NEK1: variants seen among roughly 807,000 people sequenced by gnomAD.
The protein encoded by NEK1 is serine/threonine-protein kinase Nek1.
In NEK1, 137 loss-of-function variants were observed where a neutral mutation model predicts 182.1. The observed-to-expected ratio is 0.75, with a 90% CI of 0.65 to 0.87. The LOEUF is 0.87. Ranked by LOEUF, NEK1 falls within the 40% of genes least tolerant of loss-of-function variation. The pLI is 0.00. For synonymous variants in NEK1, 513 were observed against 492.2 expected, an observed-to-expected ratio of 1.04 and a Z score of -0.56; for missense variants, 1,391 against 1,494.4, an observed-to-expected ratio of 0.93 and a Z score of 1.14.
chr4:169,552,571 CA>C (rs1761588847), intron 18 of NEK1, among the ~76,000 whole-genome samples: 1 of 152,090 alleles, frequency 6.6e-6, no homozygotes, highest in Non-Finnish European at 1.5e-5. Context: ...TTTTCAACAT[CA>C]TATTGGAAGT....
intron 12 of NEK1, among the ~76,000 whole-genome samples, chr4:169,564,997 C>G (rs887657715): frequency 2.0e-5 from 3 of 152,148 alleles, no homozygotes; most frequent in African/African-American, 7.2e-5. Context: ...GACAAAATAA[C>G]CCAAGCAGTG....
chr4:169,394,605 A>G, intron 35 of NEK1, 82 bp from the exon 36 acceptor site: 1 of 777,172 alleles, frequency 1.3e-6, no homozygotes, highest in South Asian at 1.8e-5. Context: ...GTTCATGCTA[A>G]AGGAGAAGAG....
intron 12 of NEK1, among the ~76,000 whole-genome samples, chr4:169,571,403 T>C (rs1764830026): frequency 6.6e-6 from 1 of 151,822 alleles, no homozygotes; most frequent in African/African-American, 2.4e-5. Context: ...AATAAACTAA[T>C]TGAAAATAGA....
chr4:169,463,203 T>C (rs1744289800), intron 27 of NEK1, 40 bp downstream of exon 27: 1 of 1,115,048 alleles, frequency 9.0e-7, no homozygotes, highest in Non-Finnish European at 1.2e-6. Context: ...TTTTTAATAA[T>C]ATTACTTCTA....
chr4:169,432,296 A>G (rs1737590703), intron 29 of NEK1, among the ~76,000 whole-genome samples: 1 of 152,208 alleles, frequency 6.6e-6, no homozygotes, highest in Non-Finnish European at 1.5e-5. Context: ...ATTCTTTCTG[A>G]AAGTGTAAAC....
chr4:169,542,172 C>A (rs1759547891), intron 18 of NEK1, among the ~76,000 whole-genome samples: 1 of 152,164 alleles, frequency 6.6e-6, no homozygotes, highest in South Asian at 2.1e-4. Flanking sequence ...CATCCCCTAG[C>A]CCCCGACCGG....
intron 23 of NEK1, among the ~76,000 whole-genome samples, chr4:169,487,439 C>G (rs921739149): frequency 2.0e-5 from 3 of 152,156 alleles, no homozygotes; most frequent in Non-Finnish European, 4.4e-5. Context: ...CTGTGTTAGT[C>G]TGTTGAGAAT....
At chr4:169,432,116 T>C (rs1357994326) in intron 29 of NEK1, among the ~76,000 whole-genome samples, 1 of 151,486 alleles carries the variant, frequency 6.6e-6, no homozygotes, top group East Asian at 1.9e-4. Context: ...GACAAGGAAG[T>C]TCAAATGAAA....
intron 27 of NEK1, among the ~76,000 whole-genome samples, chr4:169,452,098 C>G (rs542329061): frequency 6.6e-6 from 1 of 152,180 alleles, no homozygotes; most frequent in African/African-American, 2.4e-5. Context: ...TAACAATATA[C>G]TCTCCCAAGA....
intron 19 of NEK1, among the ~76,000 whole-genome samples, chr4:169,529,074 G>C (rs1372774639): frequency 6.6e-6 from 1 of 152,148 alleles, no homozygotes; most frequent in Non-Finnish European, 1.5e-5. Flanking sequence ...TGAACTGAAT[G>C]AGAATGAAAA....
chr4:169,451,575 T>G (rs1447388334), intron 27 of NEK1, among the ~76,000 whole-genome samples: 1 of 152,212 alleles, frequency 6.6e-6, no homozygotes, highest in East Asian at 1.9e-4. Context: ...ATAAAGATGT[T>G]CTTTGAAACC....
intron 27 of NEK1, among the ~76,000 whole-genome samples, chr4:169,441,385 T>C (rs1481646025): frequency 1.3e-5 from 2 of 152,212 alleles, no homozygotes; most frequent in Non-Finnish European, 2.9e-5. Context: ...ATCTGCCCCA[T>C]GCATCAGAGC....
chr4:169,604,494 C>G (rs1333598977), intron 2 of NEK1, among the ~76,000 whole-genome samples: 2 of 152,140 alleles, frequency 1.3e-5, no homozygotes, highest in African/African-American at 4.8e-5. Context: ...TTTTTTATTT[C>G]CATTCATAGC....
chr4:169,570,919 C>T (rs1764703268), intron 12 of NEK1, among the ~76,000 whole-genome samples: 1 of 152,140 alleles, frequency 6.6e-6, no homozygotes, highest in African/African-American at 2.4e-5. Context: ...TGTGTCCACT[C>T]AGGGTTAAAT....
At chr4:169,552,506 T>TG (rs1417164623) in intron 18 of NEK1, among the ~76,000 whole-genome samples, 1 of 152,118 alleles carries the variant, frequency 6.6e-6, no homozygotes, top group Non-Finnish European at 1.5e-5. Flanking sequence ...AATGGAAACT[T>TG]GAAGCTTTCC....
At chr4:169,404,401 C>G (rs1426170373) in intron 32 of NEK1, among the ~76,000 whole-genome samples, 1 of 151,968 alleles carries the variant, frequency 6.6e-6, no homozygotes, top group Non-Finnish European at 1.5e-5. Context: ...ACTTAAGAAG[C>G]AAGGGCAAGG....
intron 11 of NEK1, among the ~76,000 whole-genome samples, chr4:169,578,200 AG>A (rs1167688437): frequency 6.6e-6 from 1 of 152,218 alleles, no homozygotes; most frequent in Non-Finnish European, 1.5e-5. Flanking sequence ...GGTAATAAAA[AG>A]GAAATTCTAC....
intron 21 of NEK1, among the ~76,000 whole-genome samples, chr4:169,508,029 G>A (rs191334205): frequency 3.9e-5 from 6 of 152,216 alleles, no homozygotes; most frequent in Admixed American, 3.3e-4. Context: ...ATGAATACTA[G>A]TTATATTTTC....
intron 27 of NEK1, among the ~76,000 whole-genome samples, chr4:169,449,273 G>C (rs549863942): frequency 4.6e-5 from 7 of 152,220 alleles, no homozygotes; most frequent in Non-Finnish European, 7.3e-5. Context: ...AGACTTAAAC[G>C]ACCCTGTCTA....
Sources: allele counts gnomAD v4.1 joint callset (sites outside exome capture counted in the v4.1 genomes callset), GRCh38; gene constraint gnomAD v4.1.1; transcripts MANE v1.5; gene names NCBI Gene and HGNC (gene_info 2026-07-23, HGNC 2026-07-21).